Variants in MYOZ3 observed in about 807,000 individuals in gnomAD.
MYOZ3 encodes the protein myozenin-3.
A neutral mutation model predicts 26.5 loss-of-function variants in MYOZ3; 19 were observed. The ratio of observed to expected loss-of-function variants is 0.72; its 90% confidence interval spans 0.50 to 1.05. The LOEUF (loss-of-function observed/expected upper bound fraction) is 1.05. Ranked by LOEUF, MYOZ3 falls within the 50% of genes least tolerant of loss-of-function variation. The pLI, the probability that MYOZ3 is intolerant of heterozygous loss-of-function variation, is 0.00. For missense variants in MYOZ3, 322 were observed against 337.1 expected (o/e 0.96, Z 0.35); for synonymous variants, 135 against 138.8 (o/e 0.97, Z 0.19).
At chr5:150,661,935 T>C (rs1758738571) in intron 1 of MYOZ3, among the ~76,000 whole-genome samples, 1 of 152,190 alleles carries the variant, frequency 6.6e-6, no homozygotes, top group Non-Finnish European at 1.5e-5. Flanking sequence ...TGATTTAGCC[T>C]AACCCCCTAC....
chr5:150,674,791 C>A (rs1388515852), intron 6 of MYOZ3, among the ~76,000 whole-genome samples: 5 of 152,218 alleles, frequency 3.3e-5, no homozygotes, highest in Non-Finnish European at 7.3e-5. Flanking sequence ...AGGCGGATCA[C>A]TTGAGGTCAG....
At chr5:150,672,809 C>A (rs73276172) in intron 6 of MYOZ3, 16,979 of 335,732 alleles carry the variant, frequency 0.051, 2,166 homozygotes, top group African/African-American at 0.29. Context: ...ATGAACAACC[C>A]GGCCAAAGCC....
chr5:150,671,585 C>G lies in MYOZ3; in HGVS notation c.217-12C>G, dbSNP rs1758910247. The G allele has an allele frequency of 2.5e-6, 4 of 1,613,852 alleles. No homozygotes were observed. The highest frequency in any genetic ancestry group is 4.5e-5 in the East Asian group (2 of 44,880). Reference sequence around the variant, plus strand: ...AGCTTCTCTGCGGTTTATTCTACCCCCTCGTTCCCAGATGCTGGCCGGAAG... The same window carrying G: ...AGCTTCTCTGCGGTTTATTCTACCCGCTCGTTCCCAGATGCTGGCCGGAAG... On this transcript the variant is annotated splice_polypyrimidine_tract_variant and intron_variant, in intron 3 of 6. Coordinates refer to ENST00000517768, the MANE Select transcript of MYOZ3 (RefSeq NM_001122853.3).
intron 2 of MYOZ3, among the ~76,000 whole-genome samples, chr5:150,664,649 TCTC>T (rs1404882350): frequency 6.6e-6 from 1 of 152,188 alleles, no homozygotes; most frequent in South Asian, 2.1e-4. Flanking sequence ...AGTTAGATAT[TCTC>T]CTCATTTTGG....
In MYOZ3 at chr5:150,671,803, C is replaced by A. The variant is rs1256364294; in HGVS notation, c.319C>A (p.His107Asn). ...GGGGCCGAACTACCGCTCGGAGCTCCACATCTTCCCGGCCTCACCCGGGGC... is the reference window on the plus strand; with the variant it reads ...GGGGCCGAACTACCGCTCGGAGCTCAACATCTTCCCGGCCTCACCCGGGGC... Reference protein sequence around the residue: ...PEGPNYRSELHIFPASPGASL... With the variant: ...PEGPNYRSELNIFPASPGASL... Residue 107 changes from histidine (H) to asparagine (N), a missense_variant, in exon 5 of 7, where the codon CAC becomes AAC. Physicochemically the swap from His to Asn is moderately conservative, Grantham distance 68 (BLOSUM62 1). Transcript: ENST00000517768. 1 of 1,612,872 alleles carries A rather than the reference C, an allele frequency of 6.2e-7. No individual in the cohort carries two copies. The highest frequency in any genetic ancestry group is 1.1e-5 in the South Asian group (1 of 91,080).
intron 6 of MYOZ3, among the ~76,000 whole-genome samples, chr5:150,674,499 C>G (rs1437331827): frequency 2.6e-5 from 4 of 152,218 alleles, no homozygotes; most frequent in African/African-American, 9.6e-5. Flanking sequence ...TGACTGTGGG[C>G]CTTGCATGGC....
At chr5:150,672,612 C>G in intron 6 of MYOZ3, 110 bp downstream of exon 6, 2 of 1,303,124 alleles carry the variant, frequency 1.5e-6, no homozygotes, top group Non-Finnish European at 2.1e-6. Flanking sequence ...CAGGCTCTGT[C>G]CCCAGCGCTT....
chr5:150,672,591 T>C, intron 6 of MYOZ3, 89 bp downstream of exon 6: 1 of 1,433,496 alleles, frequency 7.0e-7, no homozygotes, highest in Non-Finnish European at 9.3e-7. Flanking sequence ...TCCTGAGCAC[T>C]TTCTGCAGGC....
rs1281408649 is a variant in MYOZ3 at position 150,677,931 on chromosome 5, G to A, written c.*1056G>A. ...TCCATGAAGGGGGTGTGAGGGGGAGGGTATTTCTGGAAAGTGGACCAGCAT... is the reference window on the plus strand; with the variant it reads ...TCCATGAAGGGGGTGTGAGGGGGAGAGTATTTCTGGAAAGTGGACCAGCAT... On this transcript the variant is annotated 3_prime_UTR_variant, in exon 7 of 7. Transcript: ENST00000517768. The A allele has an allele frequency of 1.3e-5, 2 of 152,230 alleles. No individual in the cohort carries two copies. The highest frequency in any genetic ancestry group is 4.8e-5 in the African/African-American group (2 of 41,360). 9.4% of individuals were successfully genotyped at this position (152,230 alleles called of 1,614,324 possible). A position where few individuals can be genotyped will look rare whatever the true frequency, so the allele number is the denominator to read the frequency against.
chr5:150,671,795 C>G lies in MYOZ3; in HGVS notation c.311C>G (p.Ser104Trp), dbSNP rs747707185. Residue 104 changes from serine (S) to tryptophan (W), a missense_variant, in exon 5 of 7, where the codon TCG becomes TGG. By Grantham distance (177) the Ser-to-Trp change is radical. Transcript: ENST00000517768. ...ANGPEGPNYR[S>W]ELHIFPASPG... ...GGCCCTGAGGGGCCGAACTACCGCT[C>G]GGAGCTCCACATCTTCCCGGCCTCA... is the stretch of plus-strand genomic sequence containing the variant. The G allele has an allele frequency of 6.2e-7, 1 of 1,613,032 alleles. No individual in the cohort carries two copies. The highest frequency in any genetic ancestry group is 8.5e-7 in the Non-Finnish European group (1 of 1,179,904).
At chr5:150,671,570 C>A (rs1237075944) in intron 3 of MYOZ3, 27 bp from the exon 4 acceptor site, 4 of 1,613,568 alleles carry the variant, frequency 2.5e-6, no homozygotes, top group Non-Finnish European at 1.7e-6. Flanking sequence ...AGCTTCTCTG[C>A]GGTTTATTCT....
chr5:150,672,146 C>T (rs1252399648), intron 5 of MYOZ3, 194 bp from the exon 6 acceptor site: 5 of 1,035,006 alleles, frequency 4.8e-6, no homozygotes, highest in Admixed American at 4.0e-5. Context: ...TTCCTCACTG[C>T]AGTCCTCCGT....
chr5:150,674,035 C>A (rs1758967776), intron 6 of MYOZ3, among the ~76,000 whole-genome samples: 1 of 152,180 alleles, frequency 6.6e-6, no homozygotes, highest in South Asian at 2.1e-4. Flanking sequence ...TGGGGGTGAT[C>A]TGCCTTGAGA....
chr5:150,668,475 G>T (rs1008178922), intron 2 of MYOZ3, among the ~76,000 whole-genome samples: 3 of 152,174 alleles, frequency 2.0e-5, no homozygotes, highest in Non-Finnish European at 4.4e-5. Context: ...CTCCTGGCTT[G>T]GTTCCTCCTC....
chr5:150,671,767 AATGGCCCTGAGGGGCCGAAC>A lies in MYOZ3; in HGVS notation c.284_303del (p.Asn95IlefsTer143). On this transcript the variant is annotated frameshift_variant, in exon 5 of 7. Coordinates refer to ENST00000517768, the MANE Select transcript of MYOZ3 (RefSeq NM_001122853.3). LOFTEE classifies it high-confidence loss of function. ...CCCCTGTGCCCAGGTTGCCAATGCC[AATGGCCCTGAGGGGCCGAAC>A]TACCGCTCGGAGCTCCACATCTTCC... The A allele has an allele frequency of 6.2e-7, 1 of 1,613,248 alleles. No individual in the cohort carries two copies. Among genetic ancestry groups the A allele is most frequent in the Non-Finnish European group, 8.5e-7 (1 of 1,179,924 alleles).
chr5:150,671,979 A>G, intron 5 of MYOZ3, 71 bp downstream of exon 5: 1 of 1,459,394 alleles, frequency 6.9e-7, no homozygotes, highest in Non-Finnish European at 9.0e-7. Flanking sequence ...CCCATGGGGC[A>G]GGAAGAGCAC....
At chr5:150,672,193 C>G in intron 5 of MYOZ3, 147 bp from the exon 6 acceptor site, 1 of 1,224,142 alleles carries the variant, frequency 8.2e-7, no homozygotes. Context: ...TGTGCTGGAG[C>G]AACTGTGGCT....
At position 150,678,801 on chromosome 5, in the gene MYOZ3, G is replaced by C. The variant is rs1759058822; in HGVS notation, c.*1926G>C. On this transcript the variant is annotated 3_prime_UTR_variant, in exon 7 of 7. Coordinates refer to ENST00000517768, the MANE Select transcript of MYOZ3 (RefSeq NM_001122853.3). The stretch of plus-strand genomic sequence containing the variant: ...TAGGTTTCATGCAACTGCTGCTCTA[G>C]GCTGGAAAAGTTGTTCTTGCACTGG... The C allele has an allele frequency of 6.6e-6, 1 of 152,392 alleles. No individual in the cohort carries two copies. Among genetic ancestry groups the C allele is most frequent in the Admixed American group, 6.5e-5 (1 of 15,286 alleles). The allele number at this position is 152,392 out of a possible 1,614,324, so 9.4% of individuals were successfully genotyped here. A position where few individuals can be genotyped will look rare whatever the true frequency, so the allele number is the denominator to read the frequency against.
chr5:150,669,966 T>C (rs1758876378), intron 2 of MYOZ3: 1 of 152,222 alleles, frequency 6.6e-6, no homozygotes, highest in South Asian at 2.1e-4. Flanking sequence ...TTTTTTATAA[T>C]AATAAAAGGC....
Sources: gnomAD v4.1 joint callset for allele counts (sites outside exome capture counted in the v4.1 genomes callset) on GRCh38, gnomAD v4.1.1 for gene constraint, MANE v1.5 for transcripts, NCBI Gene and HGNC (gene_info 2026-07-23, HGNC 2026-07-21) for gene names.